The following RLIG1 variants were observed in gnomAD, a reference collection of about 807,000 sequenced individuals.
The protein encoded by RLIG1 is RNA 5'-phosphate and 3'-OH ligase 1.
chr12:88,043,345 ATACT>A, the RLIG1 span, among the ~76,000 whole-genome samples: 18 of 152,078 alleles, frequency 1.2e-4, no homozygotes, highest in Non-Finnish European at 2.2e-4. Context: ...CATAAATCTA[ATACT>A]TAATGGAATA....
chr12:88,038,107 A>C, the RLIG1 span, among the ~76,000 whole-genome samples: 2 of 152,178 alleles, frequency 1.3e-5, no homozygotes, highest in Admixed American at 1.3e-4. Flanking sequence ...ACATGAAAAA[A>C]ACAAAATCAA....
chr12:88,035,922 G>C, the RLIG1 span: 1 of 1,514,682 alleles, frequency 6.6e-7, no homozygotes, highest in Non-Finnish European at 8.8e-7. Context: ...CCAGGTTCTT[G>C]TACTTTTCTT....
the RLIG1 span, among the ~76,000 whole-genome samples, chr12:88,043,362 ATTACT>A: frequency 7.8e-4 from 118 of 152,208 alleles, no homozygotes; most frequent in African/African-American, 2.3e-3. Flanking sequence ...ATGGAATATG[ATTACT>A]TTAGTTTGAC....
the RLIG1 span, chr12:88,040,394 G>A: frequency 1.9e-6 from 1 of 518,192 alleles, no homozygotes; most frequent in Non-Finnish European, 3.4e-6. Context: ...AAAACAAAAA[G>A]GTCACAATTG....
the RLIG1 span, chr12:88,048,753 T>C: frequency 5.0e-6 from 1 of 198,706 alleles, no homozygotes; most frequent in Non-Finnish European, 1.0e-5. Context: ...CAATTTAATT[T>C]TGCTAGATAT....
the RLIG1 span, among the ~76,000 whole-genome samples, chr12:88,037,667 A>G: frequency 1.8e-4 from 28 of 152,214 alleles, no homozygotes; most frequent in African/African-American, 6.8e-4. Context: ...AATCCCTACT[A>G]GACGATTATA....
chr12:88,043,724 A>T, the RLIG1 span: 1 of 1,572,696 alleles, frequency 6.4e-7, no homozygotes, highest in Admixed American at 1.7e-5. Flanking sequence ...TGGTATCATG[A>T]TATCTCTTCT....
At chr12:88,045,594 T>C in the RLIG1 span, 1 of 1,610,946 alleles carries the variant, frequency 6.2e-7, no homozygotes, top group South Asian at 1.1e-5. Flanking sequence ...TGGGTACCAG[T>C]AGAGAAAAAC....
chr12:88,049,304 G>A, the RLIG1 span: 1 of 1,599,242 alleles, frequency 6.3e-7, no homozygotes, highest in Non-Finnish European at 8.6e-7. Flanking sequence ...TCTCTTCTAA[G>A]AGAATATTCT....
chr12:88,044,867 A>G, the RLIG1 span: 1 of 152,346 alleles, frequency 6.6e-6, no homozygotes, highest in African/African-American at 2.4e-5. Flanking sequence ...TGACATCATG[A>G]AGTGGCTGTA....
At chr12:88,040,181 C>A in the RLIG1 span, 1 of 1,610,306 alleles carries the variant, frequency 6.2e-7, no homozygotes, top group South Asian at 1.1e-5. Flanking sequence ...AACTGTAAGT[C>A]ACAAGGCATT....
chr12:88,045,481 C>A, the RLIG1 span: 3 of 831,612 alleles, frequency 3.6e-6, no homozygotes, highest in Non-Finnish European at 5.6e-6. Context: ...GATAGACACC[C>A]AGAAAACATG....
chr12:88,045,639 A>G, the RLIG1 span: 3 of 1,612,990 alleles, frequency 1.9e-6, no homozygotes, highest in South Asian at 3.3e-5. Flanking sequence ...TCTGTAGTTA[A>G]TTATGAATTT....
chr12:88,040,382 G>C, the RLIG1 span: 1 of 548,100 alleles, frequency 1.8e-6, no homozygotes, highest in East Asian at 3.4e-5. Context: ...AAGTATAGTA[G>C]CAAAACAAAA....
chr12:88,048,930 T>TA, the RLIG1 span: 1 of 282,460 alleles, frequency 3.5e-6, no homozygotes, highest in South Asian at 1.4e-4. Flanking sequence ...TTAAAAAACT[T>TA]AAAGCATTAT....
At chr12:88,039,959 G>T in the RLIG1 span, among the ~76,000 whole-genome samples, 73 of 152,250 alleles carry the variant, frequency 4.8e-4, no homozygotes, top group Non-Finnish European at 7.5e-4. Context: ...ATCAGGTGTT[G>T]CTGTGATAGT....
At chr12:88,043,764 A>C in the RLIG1 span, 2 of 1,238,140 alleles carry the variant, frequency 1.6e-6, no homozygotes, top group Admixed American at 2.0e-5. Context: ...TAGTAAAATG[A>C]TCAAAATATC....
the RLIG1 span, among the ~76,000 whole-genome samples, chr12:88,038,919 TGCAGTTGAGGAG>T: frequency 6.6e-6 from 1 of 152,198 alleles, no homozygotes; most frequent in Non-Finnish European, 1.5e-5. Flanking sequence ...TTGTTTATCA[TGCAGTTGAGGAG>T]GAAAAACATG....
At chr12:88,043,600 A>AT in the RLIG1 span, 4 of 1,592,752 alleles carry the variant, frequency 2.5e-6, no homozygotes, top group South Asian at 1.1e-5. Context: ...ATTTTTTAGA[A>AT]TTTTTTTGGA....
Sources: gnomAD v4.1 joint callset for allele counts (sites outside exome capture counted in the v4.1 genomes callset) on GRCh38, gnomAD v4.1.1 for gene constraint, MANE v1.5 for transcripts, NCBI Gene and HGNC (gene_info 2026-07-23, HGNC 2026-07-21) for gene names.